SLC29A2: variants seen among roughly 807,000 people sequenced by gnomAD.
SLC29A2 encodes the protein equilibrative nucleoside transporter 2.
Under a neutral mutation model 48.8 loss-of-function variants are expected in SLC29A2, and 37 were observed. That is an observed-to-expected ratio of 0.76 (90% confidence interval 0.58 to 1.00). SLC29A2 has a LOEUF of 1.00. SLC29A2 is among the 50% of genes least tolerant of loss of function. The pLI is 0.00. For missense variants in SLC29A2, 533 were observed against 578.6 expected, an observed-to-expected ratio of 0.92 and a Z score of 0.81; for synonymous variants, 233 against 261.7, an observed-to-expected ratio of 0.89 and a Z score of 1.06.
Position 66,369,530 on chromosome 11 carries a change from G to A in SLC29A2, c.114C>T (p.Tyr38=), listed in dbSNP as rs1855913023. ...CGGCCCCGGCCAGTCGCGCCTGGAA[G>A]TACTGCCAGGTGGGGAGGTGGTGGA... is the stretch of plus-strand genomic sequence containing the variant. ...PWNFFITAIP[Y]FQARLAGAGN... The change falls in exon 3 of 12, where the codon TAC becomes TAT. Residue 38 remains tyrosine (Y), a splice_region_variant and synonymous_variant. Transcript: ENST00000357440. 1 of 1,613,648 alleles carries A rather than the reference G, an allele frequency of 6.2e-7. No individual in the cohort carries two copies. The highest frequency in any genetic ancestry group is 1.3e-5 in the African/African-American group (1 of 74,902).
In SLC29A2 at chr11:66,364,370, C is replaced by T. The variant is rs377580229; in HGVS notation, c.1114G>A (p.Val372Met). 1.5e-5 allele frequency: 25 copies of T among 1,613,858 alleles called. No homozygotes were observed. Among genetic ancestry groups the T allele is most frequent in the South Asian group, 2.2e-5 (2 of 91,048 alleles). ...ACGTGGCACAGCATGAAGAGGGGCA[C>T]GAACAGGAACCGCAGGCAGACCAGC... ...PLLVCLRFLF[V>M]PLFMLCHVPQ... The change falls in exon 11 of 12, where the codon GTG (valine) becomes ATG (methionine). Residue 372 changes from valine to methionine, a missense_variant. Physicochemically the swap from Val to Met is conservative, Grantham distance 21. Transcript: ENST00000357440.
chr11:66,368,042 G>A (rs1004623684), intron 5 of SLC29A2, among the ~76,000 whole-genome samples, 173 bp from the exon 6 acceptor site: 2 of 152,188 alleles, frequency 1.3e-5, no homozygotes, highest in East Asian at 3.9e-4. Context: ...GAGCAGCCCT[G>A]CACTTCTCTC....
chr11:66,367,315 A>G (rs1433915030), intron 7 of SLC29A2, 149 bp downstream of exon 7: 2 of 748,492 alleles, frequency 2.7e-6, no homozygotes, highest in African/African-American at 3.4e-5. Flanking sequence ...GATGACTTTA[A>G]TCCTACCAAC....
upstream of SLC29A2, chr11:66,371,889 G>A: frequency 2.1e-6 from 1 of 486,226 alleles, no homozygotes; most frequent in Non-Finnish European, 3.6e-6. Flanking sequence ...CTAGGGGCCT[G>A]CGGAACCCGC....
intron 10 of SLC29A2, 108 bp downstream of exon 10, chr11:66,365,828 A>G: frequency 9.3e-7 from 1 of 1,077,926 alleles, no homozygotes; most frequent in South Asian, 1.3e-5. Context: ...CAGTGGTTGC[A>G]TTACCAGGCC....
In SLC29A2 at chr11:66,371,693, C is replaced by G; in HGVS notation, c.-102G>C. ...CAGACCGGTGGGGCGGGGGGCGGGT[C>G]TCCCCAGATTCCGGTGCAGGGCGGC... On this transcript the variant is annotated 5_prime_UTR_variant, in exon 1 of 12. Coordinates refer to ENST00000357440, the MANE Select transcript of SLC29A2 (RefSeq NM_001532.3). The G allele has an allele frequency of 2.5e-6, 3 of 1,219,174 alleles. No homozygotes were observed. The highest frequency in any genetic ancestry group is 2.2e-5 in the Admixed American group (1 of 45,952). 75.5% of individuals were successfully genotyped at this position (1,219,174 alleles called of 1,614,324 possible).
At position 66,371,723 on chromosome 11, in the gene SLC29A2, G is replaced by A. The variant is rs576755448; in HGVS notation, c.-132C>T. 1.4e-4 allele frequency: 118 copies of A among 851,744 alleles called. No individual in the cohort carries two copies. Among genetic ancestry groups the A allele is most frequent in the Middle Eastern group, 3.6e-4 (1 of 2,796 alleles). The allele number at this position is 851,744 out of a possible 1,614,324, so 52.8% of individuals were successfully genotyped here. ...CAGATTCCGGTGCAGGGCGGCTGGAGTCGCACAGGTAGCCTCGGGCGGATT... is the reference window on the plus strand; with the variant it reads ...CAGATTCCGGTGCAGGGCGGCTGGAATCGCACAGGTAGCCTCGGGCGGATT... On this transcript the variant is annotated 5_prime_UTR_variant, in exon 1 of 12. Transcript: ENST00000357440.
chr11:66,369,479 G>A lies in SLC29A2; in HGVS notation c.165C>T (p.Ser55=), dbSNP rs376850077. ...CATCCTCGGGACCCGTGTGGTTGGTGCTCAGGATCCTGGCTGTGCTGTTGC... is the reference window on the plus strand; with the variant it reads ...CATCCTCGGGACCCGTGTGGTTGGTACTCAGGATCCTGGCTGTGCTGTTGC... The part of the protein sequence containing the change: ...GAGNSTARIL[S]TNHTGPEDAF... Residue 55 remains serine (S), a synonymous_variant, in exon 3 of 12, where the codon AGC becomes AGT. Transcript: ENST00000357440. 1.9e-6 allele frequency: 3 copies of A among 1,614,054 alleles called. No individual in the cohort carries two copies. In the South Asian group the frequency reaches 3.3e-5, roughly 18 times the overall value.
At chr11:66,371,053 G>A (rs1856005274) in intron 2 of SLC29A2, among the ~76,000 whole-genome samples, 191 bp downstream of exon 2, 1 of 152,134 alleles carries the variant, frequency 6.6e-6, no homozygotes, top group Non-Finnish European at 1.5e-5. Flanking sequence ...CCTCTGAGAT[G>A]TGGGCATTGC....
upstream of SLC29A2, chr11:66,372,311 T>TA (rs556098329): frequency 5.0e-3 from 750 of 149,732 alleles, 5 homozygotes; most frequent in African/African-American, 0.015. Flanking sequence ...CTTTTTCTGT[T>TA]AAAAAAAAAA....
At chr11:66,365,727 T>C (rs1191726015) in intron 10 of SLC29A2, among the ~76,000 whole-genome samples, 1 of 152,148 alleles carries the variant, frequency 6.6e-6, no homozygotes, top group African/African-American at 2.4e-5. Context: ...GACACAGAGG[T>C]CAGCTGGACA....
rs747538521 is a variant in SLC29A2 at position 66,369,367 on chromosome 11, A to G, written c.275+2T>C. Reference sequence around the variant, plus strand: ...GCGCAGGAGCCAGGGCAGGCCTCTCACCACTGGTACAGGAAGGAGTTGAGG... The same window carrying G: ...GCGCAGGAGCCAGGGCAGGCCTCTCGCCACTGGTACAGGAAGGAGTTGAGG... On this transcript the variant is annotated splice_donor_variant, in intron 3 of 11. Transcript: ENST00000357440. LOFTEE classifies it high-confidence loss of function. 2.5e-6 allele frequency: 4 copies of G among 1,613,918 alleles called. No individual in the cohort carries two copies. Among genetic ancestry groups the G allele is most frequent in the Non-Finnish European group, 3.4e-6 (4 of 1,179,898 alleles).
intron 7 of SLC29A2, among the ~76,000 whole-genome samples, chr11:66,367,173 G>A (rs1431292976): frequency 6.6e-6 from 1 of 152,192 alleles, no homozygotes; most frequent in African/African-American, 2.4e-5. Flanking sequence ...GTTTGTCTCA[G>A]GCCACACAGC....
chr11:66,369,330 C>T (rs1389543120), intron 3 of SLC29A2, 39 bp downstream of exon 3: 1 of 1,613,052 alleles, frequency 6.2e-7, no homozygotes, highest in African/African-American at 1.3e-5. Context: ...AATGAAGCTG[C>T]CTCGGCAGAG....
Position 66,364,419 on chromosome 11 carries a change from G to C in SLC29A2, c.1065C>G (p.Asp355Glu), listed in dbSNP as rs372555927. ...GCAGGGGCAGCAGCCGGCTGTCCTC[G>C]TCTGGCTGTGGTAGAAGCTGAAGTC... is the stretch of plus-strand genomic sequence containing the variant. ...RSLTSYFLWPDEDSRLLPLLV... is the reference protein window; with the variant it reads ...RSLTSYFLWPEEDSRLLPLLV... The change falls in exon 11 of 12, where the codon GAC (aspartate) becomes GAG (glutamate). Residue 355 changes from aspartate (D) to glutamate (E), a missense_variant. By Grantham distance (45) the Asp-to-Glu change is conservative. Coordinates refer to ENST00000357440, the MANE Select transcript of SLC29A2 (RefSeq NM_001532.3). 2.8e-5 allele frequency: 45 copies of C among 1,609,440 alleles called. No homozygotes were observed. Among genetic ancestry groups the C allele is most frequent in the Middle Eastern group, 3.4e-4 (2 of 5,892 alleles).
Position 66,368,616 on chromosome 11 carries a change from G to A in SLC29A2, c.471C>T (p.Ser157=). 6.2e-7 allele frequency: 1 copy of A among 1,606,526 alleles called. No individual in the cohort carries two copies. The highest frequency in any genetic ancestry group is 8.5e-7 in the Non-Finnish European group (1 of 1,176,686). The change falls in exon 5 of 12, where the codon TCC becomes TCT. Residue 157 remains serine, a synonymous_variant. Coordinates refer to ENST00000357440, the MANE Select transcript of SLC29A2 (RefSeq NM_001532.3). ...CGCTGAGGAAGAGGGTGCTGTAGGT[G>A]GAGGGCATGGTGCCCAGCTGCCCGA... ...SLFGQLGTMP[S]TYSTLFLSGQ...
At position 66,366,418 on chromosome 11, in the gene SLC29A2, A is replaced by G. The variant is rs1396420264; in HGVS notation, c.867+13T>C. On this transcript the variant is annotated intron_variant, in intron 8 of 11. Coordinates refer to ENST00000357440, the MANE Select transcript of SLC29A2 (RefSeq NM_001532.3). ...CCCAAAGATGGTGGTTGGGGGCTGT[A>G]TCCAAGCCAAACCTTCTGGAAGACA... is the stretch of plus-strand genomic sequence containing the variant. 6.2e-7 allele frequency: 1 copy of G among 1,614,200 alleles called. No homozygotes were observed. The highest frequency in any genetic ancestry group is 1.1e-5 in the South Asian group (1 of 91,080).
intron 1 of SLC29A2, 60 bp downstream of exon 1, chr11:66,371,503 C>A: frequency 6.5e-7 from 1 of 1,540,034 alleles, no homozygotes; most frequent in East Asian, 2.4e-5. Context: ...CCTCGGAGCG[C>A]CTTCAGGGAG....
intron 7 of SLC29A2, among the ~76,000 whole-genome samples, chr11:66,366,835 G>A (rs1440853715): frequency 6.6e-6 from 1 of 152,164 alleles, no homozygotes; most frequent in South Asian, 2.1e-4. Flanking sequence ...TATAGTCCCA[G>A]CTACTCGGGA....
Sources: allele counts gnomAD v4.1 joint callset (sites outside exome capture counted in the v4.1 genomes callset), GRCh38; gene constraint gnomAD v4.1.1; transcripts MANE v1.5; gene names NCBI Gene and HGNC (gene_info 2026-07-23, HGNC 2026-07-21).